SHC4: variants seen among roughly 807,000 people sequenced by gnomAD.
The protein encoded by SHC4 is SHC-transforming protein 4.
SHC4 carries 41 observed loss-of-function variants against 69.4 expected under a neutral mutation model. That is an observed-to-expected ratio of 0.59 (90% CI 0.46 to 0.77). SHC4 has a LOEUF of 0.77. Among genes scored for constraint, SHC4 ranks in the 30% least tolerant of loss-of-function variants. The pLI is 0.00. For missense variants in SHC4, 777 were observed against 783.8 expected (o/e 0.99, Z 0.10); for synonymous variants, 318 against 299.3 (o/e 1.06, Z -0.64).
At chr15:48,860,987 C>G (rs905039829) in intron 6 of SHC4, among the ~76,000 whole-genome samples, 28 of 152,242 alleles carry the variant, frequency 1.8e-4, no homozygotes, top group Non-Finnish European at 2.9e-5. Flanking sequence ...CAACCAGCCT[C>G]TAACGCTTCT....
At chr15:48,945,515 C>T (rs1901260797) in intron 1 of SHC4, among the ~76,000 whole-genome samples, 1 of 152,148 alleles carries the variant, frequency 6.6e-6, no homozygotes, top group African/African-American at 2.4e-5. Context: ...TATTGCCGTA[C>T]AATGGACTAT....
chr15:48,878,172 G>A, intron 4 of SHC4: 6 of 1,547,900 alleles, frequency 3.9e-6, no homozygotes, highest in Non-Finnish European at 5.2e-6. Context: ...TGAGCGGTTT[G>A]CACAATGTCG....
At chr15:48,835,416 C>T (rs1898880873) in intron 10 of SHC4, among the ~76,000 whole-genome samples, 2 of 152,160 alleles carry the variant, frequency 1.3e-5, no homozygotes, top group Non-Finnish European at 1.5e-5. Flanking sequence ...TGTTTCCAAA[C>T]ACTTTGAAAA....
intron 2 of SHC4, among the ~76,000 whole-genome samples, chr15:48,897,508 CCACACACACACACACA>C: frequency 7.0e-6 from 1 of 142,988 alleles, no homozygotes; most frequent in African/African-American, 2.6e-5. Context: ...AGCAATGTCG[CCACACACACACACACA>C]CACACACACG....
chr15:48,829,603 A>T (rs1305670955), intron 11 of SHC4, among the ~76,000 whole-genome samples: 2 of 152,124 alleles, frequency 1.3e-5, no homozygotes, highest in Non-Finnish European at 2.9e-5. Context: ...TTTCACTTTC[A>T]ACCTACGTGT....
chr15:48,873,463 G>T (rs559470711), intron 4 of SHC4, among the ~76,000 whole-genome samples: 1 of 152,114 alleles, frequency 6.6e-6, no homozygotes, highest in South Asian at 2.1e-4. Context: ...AACAATAGTC[G>T]GCCGGGCGCA....
chr15:48,839,540 C>A (rs776013976), intron 10 of SHC4, among the ~76,000 whole-genome samples: 3 of 152,228 alleles, frequency 2.0e-5, no homozygotes, highest in Non-Finnish European at 4.4e-5. Flanking sequence ...AAATTGCTTT[C>A]TCCACTTCCA....
chr15:48,932,857 G>A (rs763560709), intron 1 of SHC4, among the ~76,000 whole-genome samples: 8 of 151,978 alleles, frequency 5.3e-5, no homozygotes, highest in African/African-American at 1.2e-4. Flanking sequence ...TTTCTTCTTT[G>A]TATCCTCTGT....
At chr15:48,852,719 T>C (rs1899238349) in intron 8 of SHC4, among the ~76,000 whole-genome samples, 1 of 152,004 alleles carries the variant, frequency 6.6e-6, no homozygotes. Context: ...CTCGCCAACA[T>C]GGGGAAACCC....
At chr15:48,940,761 A>T (rs1307938403) in intron 1 of SHC4, among the ~76,000 whole-genome samples, 1 of 152,186 alleles carries the variant, frequency 6.6e-6, no homozygotes, top group Non-Finnish European at 1.5e-5. Flanking sequence ...ACAGCACTGA[A>T]GTCCTAAATG....
chr15:48,897,755 T>TCACACACACACA (rs1376574395), intron 2 of SHC4, among the ~76,000 whole-genome samples: 3 of 25,782 alleles, frequency 1.2e-4, no homozygotes, highest in East Asian at 4.1e-3. Context: ...CCCCACCTTC[T>TCACACACACACA]GACACACACA....
chr15:48,901,422 A>C (rs567566152), intron 2 of SHC4, among the ~76,000 whole-genome samples: 9 of 152,184 alleles, frequency 5.9e-5, no homozygotes, highest in Non-Finnish European at 1.2e-4. Context: ...GTCTTTCCCT[A>C]TGTCAGTATA....
intron 10 of SHC4, among the ~76,000 whole-genome samples, chr15:48,842,867 G>T (rs1279447838): frequency 6.6e-6 from 1 of 152,092 alleles, no homozygotes. Flanking sequence ...GGAGGCAGAG[G>T]TTGCAGTGAC....
chr15:48,880,985 AGTGTGTGTGTGTGTGTGTGTGTGTGT>A (rs10523567), intron 4 of SHC4, among the ~76,000 whole-genome samples: 1 of 145,974 alleles, frequency 6.9e-6, no homozygotes, highest in Non-Finnish European at 1.5e-5. Context: ...TGTGTGTGAG[AGTGTGTGTGTGTGTGTGTGTGTGTGT>A]GTGTGTGTGT....
chr15:48,917,080 C>T (rs1447232402), intron 2 of SHC4, among the ~76,000 whole-genome samples: 2 of 152,162 alleles, frequency 1.3e-5, no homozygotes, highest in African/African-American at 4.8e-5. Flanking sequence ...TGGGTTTACC[C>T]TGATGTGTCT....
chr15:48,861,270 G>C (rs1416649021), intron 6 of SHC4, among the ~76,000 whole-genome samples: 1 of 152,128 alleles, frequency 6.6e-6, no homozygotes, highest in Non-Finnish European at 1.5e-5. Flanking sequence ...AGCTTGAGAA[G>C]ACTGGACAAA....
intron 2 of SHC4, among the ~76,000 whole-genome samples, chr15:48,902,226 G>A (rs1900330339): frequency 6.6e-6 from 1 of 151,688 alleles, no homozygotes; most frequent in Admixed American, 6.6e-5. Context: ...AAAAGAACTG[G>A]GTCTAACCTA....
intron 2 of SHC4, among the ~76,000 whole-genome samples, chr15:48,912,443 C>T (rs558817007): frequency 6.6e-6 from 1 of 152,102 alleles, no homozygotes; most frequent in Non-Finnish European, 1.5e-5. Context: ...TTTTTTATTG[C>T]TTCTTTTTCT....
intron 1 of SHC4, among the ~76,000 whole-genome samples, chr15:48,937,694 C>G (rs1482538807): frequency 6.6e-6 from 1 of 152,022 alleles, no homozygotes; most frequent in African/African-American, 2.4e-5. Flanking sequence ...GTGGTAAGGC[C>G]AGACAACCCC....
Sources: allele counts gnomAD v4.1 joint callset (sites outside exome capture counted in the v4.1 genomes callset), GRCh38; gene constraint gnomAD v4.1.1; transcripts MANE v1.5; gene names NCBI Gene and HGNC (gene_info 2026-07-23, HGNC 2026-07-21).